SYT1: variants seen among roughly 807,000 people sequenced by gnomAD.
SYT1 encodes synaptotagmin-1.
SYT1 carries 8 observed loss-of-function variants against 44.8 expected under a neutral mutation model. That is an observed-to-expected ratio of 0.18 (90% CI 0.10 to 0.32). SYT1 has a LOEUF of 0.32. Ranked by LOEUF, SYT1 falls within the 10% of genes least tolerant of loss-of-function variation. The pLI, the probability that SYT1 is intolerant of heterozygous loss-of-function variation, is 1.00. For missense variants in SYT1, 286 were observed against 509.3 expected (o/e 0.56, Z 4.22); for synonymous variants, 154 against 188.8 (o/e 0.82, Z 1.51).
intron 3 of SYT1, among the ~76,000 whole-genome samples, chr12:79,111,466 T>G (rs1430361759): frequency 6.6e-6 from 1 of 152,042 alleles, no homozygotes; most frequent in Non-Finnish European, 1.5e-5. Context: ...TTATTCATCT[T>G]AACATAATAA....
At chr12:78,904,754 T>G (rs1875867070) in intron 1 of SYT1, among the ~76,000 whole-genome samples, 1 of 152,150 alleles carries the variant, frequency 6.6e-6, no homozygotes, top group African/African-American at 2.4e-5. Flanking sequence ...CAAGTGGACA[T>G]TCTTAGTGTT....
At chr12:79,252,128 A>C (rs1013193812) in intron 4 of SYT1, among the ~76,000 whole-genome samples, 2 of 152,158 alleles carry the variant, frequency 1.3e-5, no homozygotes, top group African/African-American at 4.8e-5. Flanking sequence ...TACACGGCCT[A>C]AGTTTAGTAA....
intron 9 of SYT1, among the ~76,000 whole-genome samples, chr12:79,409,128 A>G (rs1159006726): frequency 1.3e-5 from 2 of 152,142 alleles, no homozygotes; most frequent in Non-Finnish European, 2.9e-5. Context: ...AACCCAGCAT[A>G]CTGTCCCTTG....
At chr12:78,941,068 T>C (rs1312377192) in intron 1 of SYT1, among the ~76,000 whole-genome samples, 3 of 133,794 alleles carry the variant, frequency 2.2e-5, no homozygotes, top group Non-Finnish European at 4.8e-5. Context: ...TTTTTTTCTT[T>C]TTTTTTTTTT....
chr12:79,279,806 A>G (rs569933331), intron 4 of SYT1, among the ~76,000 whole-genome samples: 1 of 152,136 alleles, frequency 6.6e-6, no homozygotes, highest in Non-Finnish European at 1.5e-5. Flanking sequence ...TCAGGGTACA[A>G]AATCAAGGTA....
intron 3 of SYT1, among the ~76,000 whole-genome samples, chr12:79,125,074 A>G (rs1246802995): frequency 6.6e-6 from 1 of 152,044 alleles, no homozygotes; most frequent in African/African-American, 2.4e-5. Flanking sequence ...GGACTACAGT[A>G]TAACATATGC....
At chr12:79,039,109 G>A (rs1873336474) in intron 2 of SYT1, among the ~76,000 whole-genome samples, 1 of 151,916 alleles carries the variant, frequency 6.6e-6, no homozygotes, top group South Asian at 2.1e-4. Context: ...AATAGACTAT[G>A]GTTAGGTCTA....
intron 3 of SYT1, among the ~76,000 whole-genome samples, chr12:79,117,363 C>A (rs1487260765): frequency 6.6e-6 from 1 of 151,984 alleles, no homozygotes; most frequent in Non-Finnish European, 1.5e-5. Context: ...TCGCCAACTG[C>A]TGTTCTGTAC....
intron 1 of SYT1, among the ~76,000 whole-genome samples, chr12:78,952,655 C>T (rs879567570): frequency 2.6e-5 from 4 of 152,114 alleles, no homozygotes; most frequent in African/African-American, 4.8e-5. Context: ...CACAGAATCA[C>T]TCTATTCCTA....
chr12:79,155,461 C>T (rs756677853), intron 3 of SYT1, among the ~76,000 whole-genome samples: 1 of 152,076 alleles, frequency 6.6e-6, no homozygotes, highest in Non-Finnish European at 1.5e-5. Flanking sequence ...ACAATCCAAA[C>T]ATGCCTGAGT....
chr12:78,912,165 G>T (rs1159036977), intron 1 of SYT1, among the ~76,000 whole-genome samples: 1 of 152,042 alleles, frequency 6.6e-6, no homozygotes, highest in East Asian at 1.9e-4. Context: ...ATTTTACAAA[G>T]TGAAAATAGA....
rs1329573733 is a variant in SYT1, at chr12:79,285,804, A to G, written c.184A>G (p.Ile62Val). The change falls in exon 5 of 11, where the codon ATT becomes GTT. Residue 62 changes from isoleucine to valine, a missense_variant. Physicochemically the swap from Ile to Val is conservative, Grantham distance 29 (BLOSUM62 3). Around this residue, in one of 6 missense-constraint regions of SYT1, gnomAD observed 141 missense variants for 165.7 expected, o/e 0.85. Coordinates refer to ENST00000261205, the MANE Select transcript of SYT1 (RefSeq NM_005639.3). ...TCTTTCAGTGCCACCGTGGGCCTTA[A>G]TTGCAATAGCCATAGTCGCAGTCCT... ...HKIPLPPWAL[I>V]AIAIVAVLLV... 5 of 1,607,050 alleles carry G rather than the reference A, an allele frequency of 3.1e-6. No homozygotes were observed. Among genetic ancestry groups the G allele is most frequent in the Non-Finnish European group, 4.2e-6 (5 of 1,178,264 alleles).
chr12:78,930,223 T>A (rs775024748), intron 1 of SYT1, among the ~76,000 whole-genome samples: 5 of 152,124 alleles, frequency 3.3e-5, no homozygotes, highest in Non-Finnish European at 5.9e-5. Context: ...TTAGACTGGT[T>A]AAAACTTTCT....
At chr12:79,015,500 C>T (rs530619031) in intron 2 of SYT1, among the ~76,000 whole-genome samples, 7 of 152,070 alleles carry the variant, frequency 4.6e-5, no homozygotes, top group Non-Finnish European at 1.0e-4. Context: ...GTCTGTATCA[C>T]TTACTACTTT....
chr12:79,186,278 T>C (rs1872796719), intron 3 of SYT1, among the ~76,000 whole-genome samples: 1 of 152,062 alleles, frequency 6.6e-6, no homozygotes, highest in Non-Finnish European at 1.5e-5. Context: ...TGTTAGTTTG[T>C]ATTTTATTTA....
chr12:79,111,450 G>GT lies in SYT1; in HGVS notation c.-18+64095dup, dbSNP rs967324078. On this transcript the variant is annotated intron_variant, in intron 3 of 10. Coordinates refer to ENST00000261205, the MANE Select transcript of SYT1 (RefSeq NM_005639.3). ...AGAACCTTTCAAGCAAGGACCATGAGTTTTTTTATTCATCTTAACATAATA... is the reference window on the plus strand; with the variant it reads ...AGAACCTTTCAAGCAAGGACCATGAGTTTTTTTTATTCATCTTAACATAATA... Among the ~76,000 whole-genome samples, 16 of 151,820 alleles carry GT rather than the reference G, an allele frequency of 1.1e-4. 1 individual carries two copies. Among genetic ancestry groups the GT allele is most frequent in the East Asian group, 3.9e-4 (2 of 5,166 alleles).
At chr12:78,950,807 CAAA>C (rs1878926163) in intron 1 of SYT1, among the ~76,000 whole-genome samples, 1 of 152,056 alleles carries the variant, frequency 6.6e-6, no homozygotes, top group African/African-American at 2.4e-5. Context: ...CTAAACAGCA[CAAA>C]AATTGTGCTG....
intron 3 of SYT1, among the ~76,000 whole-genome samples, chr12:79,083,048 A>G (rs1877143127): frequency 6.6e-6 from 1 of 152,166 alleles, no homozygotes; most frequent in Non-Finnish European, 1.5e-5. Context: ...AAAAAACATG[A>G]AAGAACAAGT....
intron 4 of SYT1, among the ~76,000 whole-genome samples, chr12:79,230,426 CATTAT>C (rs1369067723): frequency 6.6e-6 from 1 of 151,726 alleles, no homozygotes; most frequent in Non-Finnish European, 1.5e-5. Context: ...GTCATTTCTC[CATTAT>C]ATTATAGTTG....
Sources: gnomAD v4.1 joint callset for allele counts (sites outside exome capture counted in the v4.1 genomes callset) on GRCh38, gnomAD v4.1.1 for gene constraint, gnomAD v4.1.1 regional missense constraint, MANE v1.5 for transcripts, NCBI Gene and HGNC (gene_info 2026-07-23, HGNC 2026-07-21) for gene names.